STARD13: variants seen among roughly 807,000 people sequenced by gnomAD.
STARD13 encodes the protein StAR related lipid transfer domain containing 13.
In STARD13, 62 loss-of-function variants were observed where a neutral mutation model predicts 106.4. That is an observed-to-expected ratio of 0.58 (90% CI 0.48 to 0.72). The LOEUF (loss-of-function observed/expected upper bound fraction) is 0.72, where lower values mean the gene tolerates loss of function less well. Ranked by LOEUF, STARD13 falls within the 30% of genes least tolerant of loss-of-function variation. The probability of loss-of-function intolerance (pLI) is 0.00; values close to 1 mark genes in which losing one functional copy is unlikely to be tolerated. For missense variants in STARD13, 1,387 were observed against 1,424.0 expected (o/e 0.97, Z 0.42); for synonymous variants, 565 against 553.0 (o/e 1.02, Z -0.31).
chr13:33,652,933 C>G, the STARD13 span, among the ~76,000 whole-genome samples: 1 of 151,798 alleles, frequency 6.6e-6, no homozygotes, highest in Non-Finnish European at 1.5e-5. Flanking sequence ...GGTATGACAT[C>G]AAAAGAAGAA....
chr13:33,149,400 C>CT (rs1291310553), intron 3 of STARD13, among the ~76,000 whole-genome samples: 1 of 152,104 alleles, frequency 6.6e-6, no homozygotes, highest in Non-Finnish European at 1.5e-5. Flanking sequence ...AAAATGAAGT[C>CT]TTTTTTTATT....
chr13:33,246,238 G>A (rs576824983), intron 1 of STARD13, among the ~76,000 whole-genome samples: 66 of 152,254 alleles, frequency 4.3e-4, no homozygotes, highest in African/African-American at 1.4e-3. Flanking sequence ...AGAGAGGTAA[G>A]GAGAAGTGAC....
At chr13:33,142,906 CA>C (rs1377022143) in intron 3 of STARD13, among the ~76,000 whole-genome samples, 1 of 152,132 alleles carries the variant, frequency 6.6e-6, no homozygotes, top group Non-Finnish European at 1.5e-5. Context: ...TGTGAATGTC[CA>C]ACGTGATTGA....
chr13:33,501,033 A>G, the STARD13 span, among the ~76,000 whole-genome samples: 1 of 149,502 alleles, frequency 6.7e-6, no homozygotes. Flanking sequence ...TAAAAAAATA[A>G]CAAAAAACCC....
intron 1 of STARD13, among the ~76,000 whole-genome samples, chr13:33,350,092 C>T (rs2078059373): frequency 6.6e-6 from 1 of 152,150 alleles, no homozygotes; most frequent in Non-Finnish European, 1.5e-5. Context: ...ACGGAGCCCA[C>T]ACCCACCGGG....
At chr13:33,576,722 G>A in the STARD13 span, among the ~76,000 whole-genome samples, 1 of 152,088 alleles carries the variant, frequency 6.6e-6, no homozygotes, top group African/African-American at 2.4e-5. Flanking sequence ...ACCAAAGATA[G>A]GTGGGATAAA....
At chr13:33,334,470 C>G (rs1316813753) in intron 1 of STARD13, among the ~76,000 whole-genome samples, 4 of 152,142 alleles carry the variant, frequency 2.6e-5, no homozygotes, top group African/African-American at 9.7e-5. Context: ...TGATCGGGAC[C>G]TCAGTGTCAT....
At chr13:33,566,503 C>T in the STARD13 span, among the ~76,000 whole-genome samples, 2 of 148,036 alleles carry the variant, frequency 1.4e-5, no homozygotes, top group Non-Finnish European at 3.0e-5. Flanking sequence ...GTTTTTGGCA[C>T]TTGTGACTTT....
At chr13:33,429,934 G>C in the STARD13 span, among the ~76,000 whole-genome samples, 1 of 149,732 alleles carries the variant, frequency 6.7e-6, no homozygotes, top group East Asian at 2.0e-4. Flanking sequence ...TTTTGGGGGG[G>C]GGGGACGGAG....
chr13:33,527,877 A>G, the STARD13 span, among the ~76,000 whole-genome samples: 1 of 151,702 alleles, frequency 6.6e-6, no homozygotes, highest in Non-Finnish European at 1.5e-5. Context: ...CACATTTATA[A>G]AGAAATATCC....
intron 1 of STARD13, among the ~76,000 whole-genome samples, chr13:33,252,436 G>C (rs1387191721): frequency 6.6e-6 from 1 of 152,194 alleles, no homozygotes; most frequent in Non-Finnish European, 1.5e-5. Context: ...TGACGGAGAA[G>C]ATTTTCACTC....
intron 1 of STARD13, among the ~76,000 whole-genome samples, chr13:33,269,822 AG>A (rs1891071606): frequency 6.6e-6 from 1 of 152,238 alleles, no homozygotes. Context: ...GGAAAACTAG[AG>A]TTTGAAATGA....
At position 33,264,806 on chromosome 13, in the gene STARD13, G is replaced by A. The variant is rs533512789; in HGVS notation, c.169+20664C>T. Among the ~76,000 whole-genome samples, 15 of 152,234 alleles carry A rather than the reference G, an allele frequency of 9.9e-5. No homozygotes were observed. The South Asian group carries it at 2.1e-3, about 21-fold the overall frequency. ...GTTCTTGCATGCTGGGAGAAGTTAC[G>A]GGAATGGGTGTGACCATGACCTGCC... On this transcript the variant is annotated intron_variant, in intron 1 of 13. Coordinates refer to ENST00000336934, the MANE Select transcript of STARD13 (RefSeq NM_178006.4).
the STARD13 span, among the ~76,000 whole-genome samples, chr13:33,636,579 A>G: frequency 2.6e-3 from 390 of 152,318 alleles, 2 homozygotes; most frequent in African/African-American, 8.9e-3. Context: ...TTCCTGTTTC[A>G]AAGTCTGAAG....
chr13:33,356,796 A>G, the STARD13 span, among the ~76,000 whole-genome samples: 1 of 152,230 alleles, frequency 6.6e-6, no homozygotes, highest in African/African-American at 2.4e-5. Flanking sequence ...GAATAGCCTC[A>G]TGCTAAACAG....
the STARD13 span, among the ~76,000 whole-genome samples, chr13:33,479,383 CCAAAAATGCAGAGA>C: frequency 1.4e-4 from 22 of 152,152 alleles, no homozygotes; most frequent in African/African-American, 5.3e-4. Flanking sequence ...TTTCACTTTC[CCAAAAATGCAGAGA>C]CAAAAATGCA....
At chr13:33,433,652 C>T in the STARD13 span, among the ~76,000 whole-genome samples, 147 of 152,298 alleles carry the variant, frequency 9.7e-4, no homozygotes, top group African/African-American at 3.1e-3. Context: ...TTTCAGAGAG[C>T]ATTCTCTTGT....
the STARD13 span, among the ~76,000 whole-genome samples, chr13:33,402,193 G>T: frequency 6.6e-6 from 1 of 152,184 alleles, no homozygotes; most frequent in African/African-American, 2.4e-5. Context: ...CATCTCCCAT[G>T]ATATTTTGCA....
At chr13:33,255,027 G>A (rs751713953) in intron 1 of STARD13, among the ~76,000 whole-genome samples, 4 of 152,110 alleles carry the variant, frequency 2.6e-5, no homozygotes, top group African/African-American at 4.8e-5. Flanking sequence ...CACTATCTGC[G>A]GACAGCAGGG....
Sources: allele counts gnomAD v4.1 joint callset (sites outside exome capture counted in the v4.1 genomes callset), GRCh38; gene constraint gnomAD v4.1.1; transcripts MANE v1.5; gene names NCBI Gene and HGNC (gene_info 2026-07-23, HGNC 2026-07-21).